MACROD2: variants seen among roughly 807,000 people sequenced by gnomAD.
MACROD2 encodes the protein mono-ADP ribosylhydrolase 2, also known as ADP-ribose glycohydrolase MACROD2.
Under a neutral mutation model 70.4 loss-of-function variants are expected in MACROD2, and 36 were observed. The observed-to-expected ratio is 0.51, with a 90% confidence interval of 0.39 to 0.68. MACROD2 has a LOEUF of 0.68. Ranked by LOEUF, MACROD2 falls within the 30% of genes least tolerant of loss-of-function variation. The pLI is 0.00. For synonymous variants in MACROD2, 172 were observed against 178.8 expected, an observed-to-expected ratio of 0.96 and a Z score of 0.30; for missense variants, 496 against 538.4, an observed-to-expected ratio of 0.92 and a Z score of 0.78.
chr20:15,967,736 A>G (rs1054590277), intron 13 of MACROD2, 106 bp downstream of exon 13: 2 of 972,656 alleles, frequency 2.1e-6, no homozygotes, highest in Non-Finnish European at 3.0e-6. Flanking sequence ...AAAATATTGA[A>G]TTCCAATAAC....
chr20:15,018,804 C>G (rs2075141667), intron 5 of MACROD2, among the ~76,000 whole-genome samples: 1 of 152,162 alleles, frequency 6.6e-6, no homozygotes, highest in Non-Finnish European at 1.5e-5. Flanking sequence ...TTTGGCAACA[C>G]CCACACAGAC....
chr20:14,936,504 A>G (rs1288480890), intron 5 of MACROD2, among the ~76,000 whole-genome samples: 1 of 152,162 alleles, frequency 6.6e-6, no homozygotes, highest in African/African-American at 2.4e-5. Context: ...AATGGATTAG[A>G]ATAAAATAAA....
intron 5 of MACROD2, among the ~76,000 whole-genome samples, chr20:15,138,792 A>G (rs1399903523): frequency 6.6e-6 from 1 of 152,164 alleles, no homozygotes; most frequent in East Asian, 1.9e-4. Flanking sequence ...AGTGAGTTGG[A>G]ATGAGTCATT....
chr20:14,400,212 T>C (rs2083623461), intron 3 of MACROD2, among the ~76,000 whole-genome samples: 1 of 152,222 alleles, frequency 6.6e-6, no homozygotes, highest in South Asian at 2.1e-4. Flanking sequence ...TTGGAGTTAC[T>C]GGAAAGTAGT....
At chr20:14,150,716 A>G (rs1225045231) in intron 3 of MACROD2, among the ~76,000 whole-genome samples, 3 of 152,132 alleles carry the variant, frequency 2.0e-5, no homozygotes, top group African/African-American at 7.2e-5. Flanking sequence ...TGCTGGAATC[A>G]ATTCAGATAA....
At chr20:14,530,802 A>G (rs2085293869) in intron 4 of MACROD2, among the ~76,000 whole-genome samples, 2 of 152,342 alleles carry the variant, frequency 1.3e-5, no homozygotes, top group South Asian at 4.1e-4. Flanking sequence ...ACGTAACAGA[A>G]TGGCAATTAA....
intron 4 of MACROD2, among the ~76,000 whole-genome samples, chr20:14,506,129 T>C (rs981230544): frequency 3.3e-5 from 5 of 151,768 alleles, no homozygotes; most frequent in African/African-American, 9.7e-5. Flanking sequence ...CCCTGAAGAG[T>C]TGTCAGTGAA....
In MACROD2 at chr20:14,249,128, G is replaced by GTCTT. The variant is rs1555773444; in HGVS notation, c.271+163401_271+163402insCTTT. ...GGTATTCTTTTCTATGATTTCAAAGGTTTTTTTTTTTTTTTTTTTTTTGGT... is the reference window on the plus strand; with the variant it reads ...GGTATTCTTTTCTATGATTTCAAAGGTCTTTTTTTTTTTTTTTTTTTTTTTTGGT... On this transcript the variant is annotated intron_variant, in intron 3 of 17. Coordinates refer to ENST00000684519, the MANE Select transcript of MACROD2 (RefSeq NM_001351661.2). Among the ~76,000 whole-genome samples the GTCTT allele has an allele frequency of 6.8e-5, 7 of 103,068 alleles. 1 individual carries two copies. Among genetic ancestry groups the GTCTT allele is most frequent in the African/African-American group, 4.1e-5 (1 of 24,230 alleles). The allele number at this position is 103,068 out of a possible 152,430, so 67.6% of individuals were successfully genotyped here.
chr20:14,888,961 C>G (rs2073716228), intron 5 of MACROD2, among the ~76,000 whole-genome samples: 1 of 152,030 alleles, frequency 6.6e-6, no homozygotes, highest in Admixed American at 6.6e-5. Context: ...AAGCTATTTA[C>G]CTACTTAATC....
At chr20:15,673,109 G>A (rs1429037328) in intron 8 of MACROD2, among the ~76,000 whole-genome samples, 1 of 152,054 alleles carries the variant, frequency 6.6e-6, no homozygotes, top group East Asian at 1.9e-4. Context: ...TTAACAGTGT[G>A]TAAACAGACT....
At chr20:15,055,921 G>A (rs1169989521) in intron 5 of MACROD2, among the ~76,000 whole-genome samples, 1 of 151,558 alleles carries the variant, frequency 6.6e-6, no homozygotes, top group Non-Finnish European at 1.5e-5. Context: ...CGAGTAGCTG[G>A]GATTATAGGC....
chr20:14,645,756 G>T (rs779065043), intron 4 of MACROD2, among the ~76,000 whole-genome samples: 2 of 151,888 alleles, frequency 1.3e-5, no homozygotes, highest in Non-Finnish European at 2.9e-5. Context: ...TCAAAAGTAC[G>T]TGGTGCTCAA....
chr20:14,167,864 G>T (rs1601303821), intron 3 of MACROD2, among the ~76,000 whole-genome samples: 1 of 152,246 alleles, frequency 6.6e-6, no homozygotes, highest in East Asian at 1.9e-4. Context: ...AGTCTTAGGA[G>T]CTGCTAACTC....
intron 4 of MACROD2, among the ~76,000 whole-genome samples, chr20:14,498,386 C>T (rs2084879520): frequency 6.6e-6 from 1 of 152,216 alleles, no homozygotes; most frequent in Non-Finnish European, 1.5e-5. Flanking sequence ...TCATCTGTTT[C>T]TAAACACAAG....
intron 6 of MACROD2, among the ~76,000 whole-genome samples, chr20:15,349,904 C>T (rs573023867): frequency 3.3e-5 from 5 of 152,180 alleles, no homozygotes; most frequent in African/African-American, 4.8e-5. Context: ...TTGGCTGGAG[C>T]GAGATGTTAT....
intron 8 of MACROD2, among the ~76,000 whole-genome samples, chr20:15,616,808 T>C (rs1021560178): frequency 6.6e-6 from 1 of 152,228 alleles, no homozygotes; most frequent in Non-Finnish European, 1.5e-5. Flanking sequence ...AATCCTGAAA[T>C]TCTTTGCTTC....
At chr20:15,425,145 A>G (rs1834383436) in intron 6 of MACROD2, among the ~76,000 whole-genome samples, 1 of 152,236 alleles carries the variant, frequency 6.6e-6, no homozygotes, top group Non-Finnish European at 1.5e-5. Context: ...TCTTGAGGGT[A>G]TGAGGATAAA....
chr20:14,004,826 CACTT>C (rs2052790704), intron 2 of MACROD2, among the ~76,000 whole-genome samples: 1 of 152,034 alleles, frequency 6.6e-6, no homozygotes, highest in African/African-American at 2.4e-5. Flanking sequence ...AATTCCTTGT[CACTT>C]AGTTTCTAAT....
intron 8 of MACROD2, among the ~76,000 whole-genome samples, chr20:15,698,093 T>C (rs1469091088): frequency 6.6e-6 from 1 of 152,234 alleles, no homozygotes; most frequent in African/African-American, 2.4e-5. Context: ...ATTGCATTCA[T>C]CATGCTCTTT....
Sources: gnomAD v4.1 joint callset for allele counts (sites outside exome capture counted in the v4.1 genomes callset) on GRCh38, gnomAD v4.1.1 for gene constraint, MANE v1.5 for transcripts, NCBI Gene and HGNC (gene_info 2026-07-23, HGNC 2026-07-21) for gene names.